Variants in RPL26L1 observed in about 807,000 individuals in gnomAD.
RPL26L1 encodes the protein ribosomal protein L26 like 1.
RPL26L1 carries 8 observed loss-of-function variants against 15.2 expected under a neutral mutation model. That is an observed-to-expected ratio of 0.53 (90% CI 0.31 to 0.95). The LOEUF (loss-of-function observed/expected upper bound fraction) is 0.95. RPL26L1 is among the 40% of genes least tolerant of loss of function. The pLI is 0.05. For missense variants in RPL26L1, 146 were observed against 190.9 expected, an observed-to-expected ratio of 0.76 and a Z score of 1.39; for synonymous variants, 51 against 65.9, an observed-to-expected ratio of 0.77 and a Z score of 1.09.
chr5:172,965,589 G>A (rs1561757753), intron 2 of RPL26L1, among the ~76,000 whole-genome samples: 1 of 152,304 alleles, frequency 6.6e-6, no homozygotes, highest in East Asian at 1.9e-4. Context: ...TGTCAGATCT[G>A]TTAAATACCT....
chr5:172,962,815 CAAAAAA>C (rs56210758), intron 2 of RPL26L1, among the ~76,000 whole-genome samples: 1 of 61,954 alleles, frequency 1.6e-5, no homozygotes, highest in African/African-American at 6.7e-5. Flanking sequence ...GGCTCTGTCT[CAAAAAA>C]AAAAAAAAAA....
At chr5:172,959,593 C>A in intron 1 of RPL26L1, 125 bp downstream of exon 1, 1 of 1,225,694 alleles carries the variant, frequency 8.2e-7, no homozygotes, top group South Asian at 1.7e-5. Context: ...CCACCCATTC[C>A]TGCCTAACCC....
chr5:172,957,088 G>A (rs144105782), upstream of RPL26L1: 22 of 431,248 alleles, frequency 5.1e-5, no homozygotes, highest in South Asian at 2.1e-4. Flanking sequence ...AAACCCAAGC[G>A]ATTTGGGTGC....
chr5:172,968,723 G>A, intron 3 of RPL26L1, 124 bp downstream of exon 3: 1 of 923,440 alleles, frequency 1.1e-6, no homozygotes, highest in Non-Finnish European at 1.6e-6. Context: ...GATTGATTCA[G>A]TAGCTTTGTG....
upstream of RPL26L1, among the ~76,000 whole-genome samples, chr5:172,954,512 C>T (rs1036566198): frequency 4.6e-5 from 7 of 151,754 alleles, no homozygotes; most frequent in East Asian, 3.9e-4. Context: ...GTGGTGGAGG[C>T]TGCAGTGAAC....
intron 2 of RPL26L1, among the ~76,000 whole-genome samples, chr5:172,967,878 A>G (rs1269793760): frequency 2.0e-5 from 3 of 151,688 alleles, no homozygotes; most frequent in African/African-American, 7.3e-5. Context: ...TATGTATATG[A>G]TACGTGTATG....
At chr5:172,961,329 T>C (rs1033161885) in intron 2 of RPL26L1, among the ~76,000 whole-genome samples, 3 of 152,164 alleles carry the variant, frequency 2.0e-5, no homozygotes, top group East Asian at 1.9e-4. Context: ...CAAATACTTA[T>C]AGGGGATAGG....
At chr5:172,963,925 T>C (rs1303051575) in intron 2 of RPL26L1, among the ~76,000 whole-genome samples, 1 of 152,206 alleles carries the variant, frequency 6.6e-6, no homozygotes, top group African/African-American at 2.4e-5. Context: ...GCCATCAGGC[T>C]AAGCTCCATG....
At chr5:172,954,282 T>G (rs1208083425), upstream of RPL26L1, among the ~76,000 whole-genome samples, 3 of 152,004 alleles carry the variant, frequency 2.0e-5, no homozygotes, top group South Asian at 6.2e-4. Context: ...TGTAAAAGAT[T>G]TGGGAGGCCG....
At chr5:172,954,775 T>A (rs1764318756), upstream of RPL26L1, 1 of 376,748 alleles carries the variant, frequency 2.7e-6, no homozygotes, top group African/African-American at 2.1e-5. Flanking sequence ...TACGTTGGCA[T>A]ACAACATTTA....
At chr5:172,968,803 C>CTTTTTTTTTTTTTTTTTTTTTT (rs539398008) in intron 3 of RPL26L1, among the ~76,000 whole-genome samples, 6 of 74,348 alleles carry the variant, frequency 8.1e-5, no homozygotes, top group Non-Finnish European at 9.1e-5. Context: ...ATGGCTGTGT[C>CTTTTTTTTTTTTTTTTTTTTTT]TTTTTTTTTT....
chr5:172,969,366 G>A (rs1249599153), intron 3 of RPL26L1, 47 bp from the exon 4 acceptor site: 12 of 1,598,756 alleles, frequency 7.5e-6, no homozygotes, highest in Non-Finnish European at 9.4e-6. Context: ...TTGCTCAATA[G>A]CTGGTGGGGA....
At chr5:172,958,264 CAAAAAA>C (rs5873347), upstream of RPL26L1, 6 of 287,466 alleles carry the variant, frequency 2.1e-5, no homozygotes, top group East Asian at 8.9e-5. Context: ...AACTCTATCT[CAAAAAA>C]AAAAAAAAAA....
chr5:172,960,478 CT>C (rs1755190729), intron 2 of RPL26L1, among the ~76,000 whole-genome samples: 1 of 152,092 alleles, frequency 6.6e-6, no homozygotes, highest in African/African-American at 2.4e-5. Context: ...CCCAGGGTGG[CT>C]TGTTGAACCA....
chr5:172,962,807 C>A (rs1470843447), intron 2 of RPL26L1, among the ~76,000 whole-genome samples: 4 of 120,702 alleles, frequency 3.3e-5, no homozygotes, highest in Non-Finnish European at 6.5e-5. Flanking sequence ...CAGAGTGAGG[C>A]TCTGTCTCAA....
chr5:172,960,181 C>A, intron 2 of RPL26L1, 140 bp downstream of exon 2: 2 of 906,450 alleles, frequency 2.2e-6, no homozygotes, highest in East Asian at 2.6e-5. Context: ...AGATAGGGTT[C>A]AGAGCCACCA....
upstream of RPL26L1, chr5:172,958,905 C>A: frequency 6.5e-6 from 1 of 154,842 alleles, no homozygotes; most frequent in East Asian, 1.9e-4. Context: ...CGCCGCCGGC[C>A]GCCGTTTAGT....
At position 172,969,315 on chromosome 5, in the gene RPL26L1, AGCTGAATGG is replaced by A; in HGVS notation, c.310-97_310-89del. ...CCTTCCAGAGTTTCAGTTCCTTAAA[AGCTGAATGG>A]CTGAGGTCTTACTTAACTTATGATG... On this transcript the variant is annotated intron_variant, in intron 3 of 3. Transcript: ENST00000265100. 3 of 1,283,170 alleles carry A rather than the reference AGCTGAATGG, an allele frequency of 2.3e-6. No individual in the cohort carries two copies. The South Asian group carries it at 4.1e-5, about 17-fold the overall frequency. The allele number at this position is 1,283,170 out of a possible 1,614,324, so 79.5% of individuals were successfully genotyped here.
intron 3 of RPL26L1, 118 bp downstream of exon 3, chr5:172,968,717 GA>G: frequency 1.0e-6 from 1 of 969,234 alleles, no homozygotes; most frequent in Non-Finnish European, 1.5e-6. Context: ...GGACTTGATT[GA>G]TTCAGTAGCT....
Sources: gnomAD v4.1 joint callset for allele counts (sites outside exome capture counted in the v4.1 genomes callset) on GRCh38, gnomAD v4.1.1 for gene constraint, MANE v1.5 for transcripts, NCBI Gene and HGNC (gene_info 2026-07-23, HGNC 2026-07-21) for gene names.